Variants in LOXHD1 observed in about 807,000 individuals in gnomAD.
LOXHD1 encodes the protein lipoxygenase homology domain-containing protein 1.
A neutral mutation model predicts 248.2 loss-of-function variants in LOXHD1; 205 were observed. The observed-to-expected ratio is 0.83, with a 90% CI of 0.74 to 0.93. The LOEUF is 0.93. Among genes scored for constraint, LOXHD1 ranks in the 40% least tolerant of loss-of-function variants. LOXHD1 has a pLI of 0.00. For missense variants in LOXHD1, 2,930 were observed against 2,971.6 expected (o/e 0.99, Z 0.33); for synonymous variants, 1,113 against 1,162.8 (o/e 0.96, Z 0.87).
chr18:46,536,745 C>A (rs186817585), intron 26 of LOXHD1, among the ~76,000 whole-genome samples: 1 of 152,194 alleles, frequency 6.6e-6, no homozygotes, highest in Non-Finnish European at 1.5e-5. Context: ...AGGTGACAGA[C>A]CTTCCCACAA....
Position 46,522,173 on chromosome 18 carries a change from C to T in LOXHD1, c.5013G>A (p.Arg1671=). The T allele has an allele frequency of 1.3e-6, 2 of 1,551,722 alleles. No individual in the cohort carries two copies. Among genetic ancestry groups the T allele is most frequent in the Non-Finnish European group, 1.7e-6 (2 of 1,147,000 alleles). Residue 1671 remains arginine, a synonymous_variant, in exon 32 of 41, where the codon AGG becomes AGA. Transcript: ENST00000642948. ...RIWLDYPRGK[R]GFSRGSVEEF... ...CCTCCACAGAGCCACGGCTGAAGCC[C>T]CTCTTCCCTCGGGGGTAGTCCAACC...
intron 13 of LOXHD1, among the ~76,000 whole-genome samples, chr18:46,579,120 C>T (rs992667008): frequency 6.6e-6 from 1 of 152,218 alleles, no homozygotes; most frequent in Admixed American, 6.5e-5. Context: ...AAGATGCCTG[C>T]AATGGTCATG....
chr18:46,477,462 C>A lies in LOXHD1; in HGVS notation c.*10G>T. ...GGGCATCTCAGTGAGAGGGTGGGGG[C>A]CCTAGCCCCTCAGACAGAAGGGAAG... On this transcript the variant is annotated 3_prime_UTR_variant, in exon 41 of 41. Coordinates refer to ENST00000642948, the MANE Select transcript of LOXHD1 (RefSeq NM_001384474.1). 1.3e-6 allele frequency: 2 copies of A among 1,542,904 alleles called. No individual in the cohort carries two copies. Among genetic ancestry groups the A allele is most frequent in the Non-Finnish European group, 1.8e-6 (2 of 1,141,406 alleles).
At position 46,546,894 on chromosome 18, in the gene LOXHD1, C is replaced by A; in HGVS notation, c.3514+1G>T. ...AAGAAATCAGCTCTAGTTTAGAAAA[C>A]CTTTCTGCTCCAGGGCCAGGTTGTC... On this transcript the variant is annotated splice_donor_variant, in intron 22 of 40. Transcript: ENST00000642948. LOFTEE classifies it high-confidence loss of function. 1 of 1,548,524 alleles carries A rather than the reference C, an allele frequency of 6.5e-7. No individual in the cohort carries two copies.
At chr18:46,572,997 T>C (rs2037784219) in intron 14 of LOXHD1, among the ~76,000 whole-genome samples, 1 of 112,606 alleles carries the variant, frequency 8.9e-6, no homozygotes, top group Non-Finnish European at 1.6e-5. Flanking sequence ...CACTCCAGCC[T>C]GGGCGACAGG....
chr18:46,506,131 A>G (rs993317778), intron 36 of LOXHD1, 108 bp from the exon 37 acceptor site: 1 of 1,224,944 alleles, frequency 8.2e-7, no homozygotes, highest in African/African-American at 1.5e-5. Flanking sequence ...GTACAGGTGG[A>G]CAGAGTACAG....
At chr18:46,546,609 C>T (rs1268081210) in intron 22 of LOXHD1, among the ~76,000 whole-genome samples, 2 of 151,442 alleles carry the variant, frequency 1.3e-5, no homozygotes, top group African/African-American at 2.4e-5. Context: ...GTTCATTCCA[C>T]TCCATTCCAA....
At chr18:46,531,302 T>C (rs1015823232) in intron 28 of LOXHD1, among the ~76,000 whole-genome samples, 2 of 151,834 alleles carry the variant, frequency 1.3e-5, no homozygotes, top group Non-Finnish European at 2.9e-5. Flanking sequence ...ATAAAGAAAA[T>C]CCTCTCTTTA....
chr18:46,493,964 G>C (rs2033665544), intron 37 of LOXHD1, among the ~76,000 whole-genome samples: 1 of 152,336 alleles, frequency 6.6e-6, no homozygotes, highest in African/African-American at 2.4e-5. Flanking sequence ...ATGGATTTAA[G>C]CATCCCTTTG....
At chr18:46,609,733 A>G (rs16939747) in intron 6 of LOXHD1, among the ~76,000 whole-genome samples, 3,568 of 152,212 alleles carry the variant, frequency 0.023, 132 homozygotes, top group East Asian at 0.073. Flanking sequence ...TCTCGATAAC[A>G]CTACCCATTA....
rs1311975216 is a variant in LOXHD1 at position 46,572,087 on chromosome 18, C to T, written c.2046G>A (p.Lys682=). 1.9e-6 allele frequency: 3 copies of T among 1,551,778 alleles called. No homozygotes were observed. Among genetic ancestry groups the T allele is most frequent in the Non-Finnish European group, 2.6e-6 (3 of 1,146,968 alleles). ...CACCTGGTCATCAGGACAACTCACT[C>T]TTCAGTGTCGCGCTGCTGTCACTGG... ...LLPSDSSATL[K]NFRYHISLKT... Residue 682 remains lysine, a splice_region_variant and synonymous_variant, in exon 15 of 41, where the codon AAG becomes AAA. Transcript: ENST00000642948.
chr18:46,561,476 C>T (rs1599005901), intron 18 of LOXHD1, among the ~76,000 whole-genome samples: 1 of 152,176 alleles, frequency 6.6e-6, no homozygotes, highest in South Asian at 2.1e-4. Flanking sequence ...GTAGGGCTCA[C>T]ATGGGGGTTG....
chr18:46,609,948 G>A (rs970622412), intron 6 of LOXHD1, among the ~76,000 whole-genome samples: 4 of 152,204 alleles, frequency 2.6e-5, no homozygotes, highest in Non-Finnish European at 5.9e-5. Flanking sequence ...CTGCTCAGGA[G>A]CCTTTTTGCT....
chr18:46,614,073 G>C (rs952404435), intron 5 of LOXHD1, among the ~76,000 whole-genome samples: 1 of 152,162 alleles, frequency 6.6e-6, no homozygotes, highest in Non-Finnish European at 1.5e-5. Flanking sequence ...GAAACAACAA[G>C]TGCTGGAGAG....
chr18:46,641,890 C>A, intron 3 of LOXHD1, 66 bp downstream of exon 3: 1 of 1,444,088 alleles, frequency 6.9e-7, no homozygotes, highest in South Asian at 1.2e-5. Context: ...CAGAAATTGT[C>A]AATATTGAAG....
rs750978640 is a variant in LOXHD1, at chr18:46,639,831, C to T, written c.327-31G>A. 3 of 1,551,340 alleles carry T rather than the reference C, an allele frequency of 1.9e-6. No homozygotes were observed. In the South Asian group the frequency reaches 3.6e-5, roughly 18 times the overall value. ...GCAGAAGCCAAGGCCCACACCATCA[C>T]TGGCAGAACTGAAACAGCACCCCTT... On this transcript the variant is annotated intron_variant, in intron 3 of 40. Coordinates refer to ENST00000642948, the MANE Select transcript of LOXHD1 (RefSeq NM_001384474.1).
chr18:46,540,683 G>A lies in LOXHD1; in HGVS notation c.3913+1093C>T, dbSNP rs924625247. Among the ~76,000 whole-genome samples the A allele has an allele frequency of 1.9e-5, 2 of 107,266 alleles. 1 individual carries two copies. The highest frequency in any genetic ancestry group is 6.6e-5 in the African/African-American group (2 of 30,082). 70.4% of individuals were successfully genotyped at this position (107,266 alleles called of 152,430 possible). ...TTTTTTTTTTTTTTTTTTTTGGTAT[G>A]GCATGTCCTAGGGCATGTAGGGAGA... On this transcript the variant is annotated intron_variant, in intron 25 of 40. Coordinates refer to ENST00000642948, the MANE Select transcript of LOXHD1 (RefSeq NM_001384474.1).
intron 14 of LOXHD1, among the ~76,000 whole-genome samples, chr18:46,573,600 A>G (rs1167879368): frequency 1.3e-5 from 2 of 152,186 alleles, no homozygotes; most frequent in African/African-American, 4.8e-5. Context: ...AGAAGCCAAG[A>G]CACTAATTCC....
chr18:46,528,887 T>A (rs2035938244), intron 29 of LOXHD1, among the ~76,000 whole-genome samples: 1 of 152,138 alleles, frequency 6.6e-6, no homozygotes, highest in South Asian at 2.1e-4. Flanking sequence ...TTTCTGAAGA[T>A]GACCCAGCCC....
Sources: allele counts gnomAD v4.1 joint callset (sites outside exome capture counted in the v4.1 genomes callset), GRCh38; gene constraint gnomAD v4.1.1; transcripts MANE v1.5; gene names NCBI Gene and HGNC (gene_info 2026-07-23, HGNC 2026-07-21).